ADAMTS17: variants seen among roughly 807,000 people sequenced by gnomAD.
ADAMTS17 encodes the protein ADAM metallopeptidase with thrombospondin type 1 motif 17.
In ADAMTS17, 113 loss-of-function variants were observed where a neutral mutation model predicts 141.5. The ratio of observed to expected loss-of-function variants is 0.80; its 90% CI spans 0.69 to 0.93. The LOEUF is 0.93. Among genes scored for constraint, ADAMTS17 ranks in the 40% least tolerant of loss-of-function variants. The pLI, the probability that ADAMTS17 is intolerant of heterozygous loss-of-function variation, is 0.00. For synonymous variants in ADAMTS17, 768 were observed against 630.6 expected, an observed-to-expected ratio of 1.22 and a Z score of -3.27; for missense variants, 1,659 against 1,517.9, an observed-to-expected ratio of 1.09 and a Z score of -1.54.
chr15:100,257,102 G>A (rs1005724739), intron 6 of ADAMTS17: 5 of 152,302 alleles, frequency 3.3e-5, no homozygotes, highest in East Asian at 3.9e-4. Context: ...AACCTTAAAC[G>A]GGAGGAAATT....
intron 10 of ADAMTS17, among the ~76,000 whole-genome samples, chr15:100,149,964 C>T (rs2039086071): frequency 6.6e-6 from 1 of 152,238 alleles, no homozygotes; most frequent in East Asian, 1.9e-4. Flanking sequence ...CACTGACCAG[C>T]TGAGGCTGGT....
intron 3 of ADAMTS17, chr15:100,306,599 G>A (rs140724628): frequency 5.0e-4 from 226 of 455,650 alleles, no homozygotes; most frequent in South Asian, 1.5e-3. Flanking sequence ...TATGTCCACC[G>A]TGCCTTGTCA....
intron 4 of ADAMTS17, among the ~76,000 whole-genome samples, chr15:100,275,685 C>G (rs565812035): frequency 6.6e-6 from 1 of 152,008 alleles, no homozygotes; most frequent in Non-Finnish European, 1.5e-5. Context: ...ATGGGAATGA[C>G]GAAATCCACC....
chr15:100,109,264 G>GCGGCACAGT, intron 13 of ADAMTS17, 148 bp from the exon 14 acceptor site: 3 of 951,922 alleles, frequency 3.2e-6, no homozygotes, highest in Non-Finnish European at 4.4e-6. Context: ...CGCGCTCCAG[G>GCGGCACAGT]AAGCGGAAAA....
chr15:99,979,672 C>T (rs1431644663), intron 20 of ADAMTS17: 1 of 152,224 alleles, frequency 6.6e-6, no homozygotes, highest in Admixed American at 6.5e-5. Context: ...CAAAGTGGAG[C>T]TGGTGACGAT....
At chr15:100,148,899 G>A (rs2039034621) in intron 10 of ADAMTS17, among the ~76,000 whole-genome samples, 1 of 152,064 alleles carries the variant, frequency 6.6e-6, no homozygotes, top group African/African-American at 2.4e-5. Context: ...GAGTGGCAGG[G>A]AGGAGGAAAC....
intron 8 of ADAMTS17, among the ~76,000 whole-genome samples, chr15:100,170,007 C>T (rs919642618): frequency 3.3e-4 from 50 of 152,094 alleles, no homozygotes; most frequent in African/African-American, 1.2e-3. Context: ...ATCATAAGTA[C>T]AGGTCCGAGA....
At position 100,110,541 on chromosome 15, in the gene ADAMTS17, G is replaced by T. The variant is rs2036707444; in HGVS notation, c.1889-1425C>A. Among the ~76,000 whole-genome samples, 2 of 151,972 alleles carry T rather than the reference G, an allele frequency of 1.3e-5. 1 individual carries two copies. Among genetic ancestry groups the T allele is most frequent in the African/African-American group, 4.8e-5 (2 of 41,356 alleles). Reference sequence around the variant, plus strand: ...GGCCTCCCAAAGTGCTGGGATTATAGAAGTGAGCCACCGCGCCCCGCAAGA... The same window carrying T: ...GGCCTCCCAAAGTGCTGGGATTATATAAGTGAGCCACCGCGCCCCGCAAGA... On this transcript the variant is annotated intron_variant, in intron 13 of 21. Coordinates refer to ENST00000268070, the MANE Select transcript of ADAMTS17 (RefSeq NM_139057.4).
At chr15:100,283,465 C>T (rs770638171) in intron 3 of ADAMTS17, among the ~76,000 whole-genome samples, 9 of 152,152 alleles carry the variant, frequency 5.9e-5, no homozygotes, top group Non-Finnish European at 1.2e-4. Context: ...AGCTGATGGG[C>T]CACCCAAGCA....
rs28460523 is a variant in ADAMTS17, at chr15:100,098,017, C to T, written c.2017-1541G>A. Reference sequence around the variant, plus strand: ...AGTCTAAAAATGACCATGATGAAATCTGAAAAAGGGCAGAGCTTGAATAAA... The same window carrying T: ...AGTCTAAAAATGACCATGATGAAATTTGAAAAAGGGCAGAGCTTGAATAAA... On this transcript the variant is annotated intron_variant, in intron 14 of 21. Coordinates refer to ENST00000268070, the MANE Select transcript of ADAMTS17 (RefSeq NM_139057.4). Among the ~76,000 whole-genome samples, 2 of 152,010 alleles carry T rather than the reference C, an allele frequency of 1.3e-5. 1 individual carries two copies. The highest frequency in any genetic ancestry group is 4.1e-4 in the South Asian group (2 of 4,820).
intron 18 of ADAMTS17, among the ~76,000 whole-genome samples, chr15:100,009,951 G>C (rs1445453999): frequency 2.6e-5 from 4 of 152,166 alleles, no homozygotes; most frequent in Non-Finnish European, 4.4e-5. Context: ...TTGAATTGTA[G>C]CTCCTATAAT....
At chr15:100,278,506 A>G (rs1174635508) in intron 4 of ADAMTS17, among the ~76,000 whole-genome samples, 2 of 152,100 alleles carry the variant, frequency 1.3e-5, no homozygotes, top group African/African-American at 4.8e-5. Flanking sequence ...CTCCTTGGCA[A>G]GTGTACCTTG....
At chr15:99,999,767 G>A (rs1007032997) in intron 18 of ADAMTS17, among the ~76,000 whole-genome samples, 1 of 152,156 alleles carries the variant, frequency 6.6e-6, no homozygotes, top group Non-Finnish European at 1.5e-5. Flanking sequence ...GGCTCCTACG[G>A]CAGTCCCAGT....
rs562548220 is a variant in ADAMTS17 at position 100,031,684 on chromosome 15, G to A, written c.2591+17173C>T. Among the ~76,000 whole-genome samples the A allele has an allele frequency of 3.3e-5, 5 of 152,290 alleles. No individual in the cohort carries two copies. In the South Asian group the frequency reaches 8.3e-4, roughly 25 times the overall value. On this transcript the variant is annotated intron_variant, in intron 18 of 21. Transcript: ENST00000268070. Reference sequence around the variant, plus strand: ...ACATAATGCCGCTAACCATAGAGATGAGCAATTCTGGGATGACTGAGGCAC... The same window carrying A: ...ACATAATGCCGCTAACCATAGAGATAAGCAATTCTGGGATGACTGAGGCAC...
intron 7 of ADAMTS17, among the ~76,000 whole-genome samples, chr15:100,238,055 T>C (rs569008334): frequency 6.6e-6 from 1 of 152,306 alleles, no homozygotes; most frequent in Admixed American, 6.5e-5. Context: ...CCCAGCTTGC[T>C]CCCACTGTGG....
chr15:100,042,234 T>C (rs995159618), intron 18 of ADAMTS17, among the ~76,000 whole-genome samples: 2 of 152,222 alleles, frequency 1.3e-5, no homozygotes, highest in African/African-American at 4.8e-5. Context: ...CATGAATCCA[T>C]GTAACCATAG....
intron 15 of ADAMTS17, among the ~76,000 whole-genome samples, chr15:100,093,063 T>G (rs905487206): frequency 3.3e-5 from 5 of 152,260 alleles, no homozygotes; most frequent in African/African-American, 1.2e-4. Context: ...AGCAATATGA[T>G]AGCCAAGTTG....
chr15:100,120,003 C>T (rs1346812210), intron 12 of ADAMTS17, among the ~76,000 whole-genome samples: 2 of 152,190 alleles, frequency 1.3e-5, no homozygotes, highest in East Asian at 3.8e-4. Context: ...TCTTATCTCC[C>T]AAATATCTGG....
chr15:100,317,993 G>A (rs1383016062), intron 3 of ADAMTS17, among the ~76,000 whole-genome samples: 4 of 152,134 alleles, frequency 2.6e-5, no homozygotes, highest in Admixed American at 6.5e-5. Flanking sequence ...CGACCCGAAT[G>A]CCAGAGGGAC....
Sources: allele counts gnomAD v4.1 joint callset (sites outside exome capture counted in the v4.1 genomes callset), GRCh38; gene constraint gnomAD v4.1.1; transcripts MANE v1.5; gene names NCBI Gene and HGNC (gene_info 2026-07-23, HGNC 2026-07-21).